The following PHACTR3 variants were observed in gnomAD, a reference collection of about 807,000 sequenced individuals.
PHACTR3 encodes phosphatase and actin regulator 3, also known as protein phosphatase 1, regulatory subunit 123.
PHACTR3 carries 16 observed loss-of-function variants against 66.8 expected under a neutral mutation model. That is an observed-to-expected ratio of 0.24 (90% confidence interval 0.16 to 0.36). PHACTR3 has a LOEUF of 0.36. Ranked by LOEUF, PHACTR3 falls within the 10% of genes least tolerant of loss-of-function variation. The pLI is 1.00. For synonymous variants in PHACTR3, 323 were observed against 292.1 expected (o/e 1.11, Z -1.08); for missense variants, 647 against 719.9 (o/e 0.90, Z 1.16).
At chr20:59,635,153 C>CTT (rs1490837629) in intron 1 of PHACTR3, among the ~76,000 whole-genome samples, 4,105 of 35,752 alleles carry the variant, frequency 0.11, 140 homozygotes, top group East Asian at 0.15. Context: ...CTTTCTTTTT[C>CTT]TTTCTTTCTT....
intron 1 of PHACTR3, 52 bp from the exon 2 acceptor site, chr20:59,743,055 G>A (rs2039227141): frequency 1.3e-6 from 2 of 1,579,640 alleles, no homozygotes; most frequent in Admixed American, 1.8e-5. Flanking sequence ...GCCCCCAGGA[G>A]TCACATAGGT....
chr20:59,792,391 T>G (rs1428601324), intron 7 of PHACTR3, among the ~76,000 whole-genome samples: 1 of 152,222 alleles, frequency 6.6e-6, no homozygotes, highest in Admixed American at 6.5e-5. Context: ...CGGAAAAATG[T>G]GAAGTGATCC....
At chr20:59,625,954 T>C (rs1271407289) in intron 1 of PHACTR3, among the ~76,000 whole-genome samples, 1 of 152,108 alleles carries the variant, frequency 6.6e-6, no homozygotes, top group African/African-American at 2.4e-5. Context: ...CGTGGAGATT[T>C]CTGTGCTGCA....
At chr20:59,619,400 C>G (rs113504328) in intron 1 of PHACTR3, among the ~76,000 whole-genome samples, 1,873 of 152,100 alleles carry the variant, frequency 0.012, 30 homozygotes, top group Non-Finnish European at 0.018. Context: ...TGAGAGTGGC[C>G]CCTGCTGATG....
At chr20:59,794,719 A>G (rs1368906088) in intron 7 of PHACTR3, among the ~76,000 whole-genome samples, 1 of 152,138 alleles carries the variant, frequency 6.6e-6, no homozygotes, top group African/African-American at 2.4e-5. Flanking sequence ...CTCCTTACTC[A>G]TTATTGGTCT....
chr20:59,678,028 T>C (rs2036511289), intron 1 of PHACTR3, among the ~76,000 whole-genome samples: 1 of 152,194 alleles, frequency 6.6e-6, no homozygotes, highest in Admixed American at 6.5e-5. Flanking sequence ...CCCCACAAGC[T>C]GCAATAAGAG....
intron 2 of PHACTR3, among the ~76,000 whole-genome samples, chr20:59,744,816 G>T (rs753934333): frequency 6.6e-6 from 1 of 152,236 alleles, no homozygotes; most frequent in Non-Finnish European, 1.5e-5. Context: ...TGCCCACCCA[G>T]AGCTTTCCGC....
intron 1 of PHACTR3, chr20:59,628,608 C>G: frequency 1.0e-6 from 1 of 985,394 alleles, no homozygotes; most frequent in Non-Finnish European, 1.2e-6. Context: ...ACAAAATTCA[C>G]AAAAACACAA....
chr20:59,619,551 G>A (rs189287203), intron 1 of PHACTR3, among the ~76,000 whole-genome samples: 1 of 152,038 alleles, frequency 6.6e-6, no homozygotes, highest in African/African-American at 2.4e-5. Flanking sequence ...TCAGCCTTTC[G>A]GACCCCGAGC....
intron 3 of PHACTR3, among the ~76,000 whole-genome samples, chr20:59,751,581 G>A (rs971784296): frequency 2.6e-5 from 4 of 152,146 alleles, no homozygotes; most frequent in South Asian, 2.1e-4. Flanking sequence ...AAGAGAGCCC[G>A]CCAGCTCCCG....
chr20:59,712,430 A>G (rs553617362), intron 1 of PHACTR3, among the ~76,000 whole-genome samples: 122 of 152,206 alleles, frequency 8.0e-4, no homozygotes, highest in Non-Finnish European at 1.4e-3. Context: ...TAGCTTTGAG[A>G]TGCATTTCCA....
Position 59,806,214 on chromosome 20 carries a change from C to T in PHACTR3, c.1328+20C>T, listed in dbSNP as rs2275389. The T allele has an allele frequency of 0.045, 73,245 of 1,611,448 alleles. 7,588 individuals carry two copies. The highest frequency in any genetic ancestry group is 0.43 in the East Asian group (19,452 of 44,828). ...TTCCAAGTAAGTGGCAGCTTGCGGG[C>T]ACAGCCGGGCCTGTGCTCTGGCCTT... On this transcript the variant is annotated intron_variant, in intron 8 of 12. Transcript: ENST00000371015.
chr20:59,604,716 T>G lies in PHACTR3; in HGVS notation c.-299T>G. 1 of 1,056,312 alleles carries G rather than the reference T, an allele frequency of 9.5e-7. No homozygotes were observed. The highest frequency in any genetic ancestry group is 1.1e-6 in the Non-Finnish European group (1 of 877,760). The allele number at this position is 1,056,312 out of a possible 1,614,324, so 65.4% of individuals were successfully genotyped here. On this transcript the variant is annotated 5_prime_UTR_variant, in exon 1 of 13. Transcript: ENST00000371015. ...TTATTTCCTGGTTCAACTTTTTTTT[T>G]TTTCCCTGGAATATAGACTGAAGAA...
intron 1 of PHACTR3, chr20:59,628,882 AT>A: frequency 1.1e-6 from 1 of 919,518 alleles, no homozygotes; most frequent in South Asian, 5.0e-5. Flanking sequence ...TTTTGAAATA[AT>A]TTTAGACTCA....
chr20:59,668,291 G>T (rs1568690677), intron 1 of PHACTR3, among the ~76,000 whole-genome samples: 43 of 152,098 alleles, frequency 2.8e-4, no homozygotes, highest in African/African-American at 9.6e-4. Flanking sequence ...CACCTGTACG[G>T]GGTTAGAGGT....
intron 1 of PHACTR3, among the ~76,000 whole-genome samples, chr20:59,668,541 A>G (rs6070901): frequency 0.1 from 15,978 of 152,216 alleles, 1,015 homozygotes; most frequent in East Asian, 0.25. Flanking sequence ...TCCTGGGAAC[A>G]AAGCTCTCCA....
At chr20:59,620,702 TTCTTCC>T (rs759975627) in intron 1 of PHACTR3, among the ~76,000 whole-genome samples, 6 of 152,216 alleles carry the variant, frequency 3.9e-5, no homozygotes, top group Non-Finnish European at 5.9e-5. Flanking sequence ...AGTTAACACT[TTCTTCC>T]TCTTTGTAAT....
intron 1 of PHACTR3, among the ~76,000 whole-genome samples, chr20:59,641,148 AATCC>A (rs758982388): frequency 1.3e-4 from 20 of 152,102 alleles, no homozygotes; most frequent in Non-Finnish European, 2.6e-4. Flanking sequence ...TCTATCTACC[AATCC>A]ATCCATCCAT....
At chr20:59,740,900 A>G (rs982777617) in intron 1 of PHACTR3, among the ~76,000 whole-genome samples, 2 of 152,230 alleles carry the variant, frequency 1.3e-5, no homozygotes, top group Admixed American at 6.5e-5. Flanking sequence ...TGCAGAGCCC[A>G]GATTCAGAGC....
Sources: allele counts gnomAD v4.1 joint callset (sites outside exome capture counted in the v4.1 genomes callset), GRCh38; gene constraint gnomAD v4.1.1; transcripts MANE v1.5; gene names NCBI Gene and HGNC (gene_info 2026-07-23, HGNC 2026-07-21).